Variants in NRP1 observed in about 807,000 individuals in gnomAD.
NRP1 encodes neuropilin 1, also known as neuropilin-1.
In NRP1, 35 loss-of-function variants were observed where a neutral mutation model predicts 106.7. The observed-to-expected ratio is 0.33, with a 90% confidence interval of 0.25 to 0.43. NRP1 has a LOEUF of 0.43. Ranked by LOEUF, NRP1 falls within the 20% of genes least tolerant of loss-of-function variation. The pLI, the probability that NRP1 is intolerant of heterozygous loss-of-function variation, is 1.00. For missense variants in NRP1, 1,024 were observed against 1,170.4 expected, an observed-to-expected ratio of 0.87 and a Z score of 1.83; for synonymous variants, 437 against 417.9, an observed-to-expected ratio of 1.05 and a Z score of -0.56.
intron 12 of NRP1, among the ~76,000 whole-genome samples, chr10:33,193,852 T>C (rs1446518403): frequency 6.6e-6 from 1 of 152,224 alleles, no homozygotes; most frequent in Non-Finnish European, 1.5e-5. Context: ...CTAGAGCTAA[T>C]GTCAAATTTT....
chr10:33,239,896 T>C (rs34223079), intron 6 of NRP1, among the ~76,000 whole-genome samples: 578 of 152,352 alleles, frequency 3.8e-3, no homozygotes, highest in Non-Finnish European at 6.8e-3. Context: ...ACTTCTCCCA[T>C]ACCCTTCCTG....
At chr10:33,193,168 T>TC (rs1836534230) in intron 12 of NRP1, among the ~76,000 whole-genome samples, 1 of 152,106 alleles carries the variant, frequency 6.6e-6, no homozygotes, top group Non-Finnish European at 1.5e-5. Flanking sequence ...AAGGCTTCCT[T>TC]AGGAATCTGA....
intron 5 of NRP1, among the ~76,000 whole-genome samples, chr10:33,255,377 C>A (rs905904651): frequency 1.3e-5 from 2 of 152,168 alleles, no homozygotes; most frequent in Admixed American, 6.5e-5. Context: ...TCTCCAAACA[C>A]CCCCTGTCCT....
intron 2 of NRP1, among the ~76,000 whole-genome samples, chr10:33,314,081 TCC>T (rs1564480873): frequency 1.8e-5 from 2 of 109,614 alleles, no homozygotes; most frequent in Admixed American, 1.1e-4. Context: ...CCTCCCTCCC[TCC>T]TCTCTCTCTC....
Position 33,334,336 on chromosome 10 carries a change from A to G in NRP1, c.47T>C (p.Leu16Pro). The part of the protein sequence containing the change: ...PLLCAVLALV[L>P]APAGAFRNDK... ...GTTGCGAAAAGCGCCGGCCGGGGCG[A>G]GGACGAGGGCGAGCACGGCGCAGAG... Residue 16 changes from leucine (L) to proline (P), a missense_variant, in exon 1 of 17, where the codon CTC (leucine) becomes CCC (proline). By Grantham distance (98) the Leu-to-Pro change is moderately conservative. Transcript: ENST00000374867. The G allele has an allele frequency of 6.5e-7, 1 of 1,545,384 alleles. No individual in the cohort carries two copies. Among genetic ancestry groups the G allele is most frequent in the East Asian group, 2.4e-5 (1 of 41,070 alleles).
chr10:33,320,312 T>TAAA (rs777487586), intron 2 of NRP1, among the ~76,000 whole-genome samples: 3 of 126,310 alleles, frequency 2.4e-5, no homozygotes, highest in African/African-American at 8.8e-5. Context: ...ACTCCGTCTT[T>TAAA]AAAAAAAAAA....
chr10:33,241,622 G>A (rs1012153957), intron 6 of NRP1, among the ~76,000 whole-genome samples: 1 of 151,934 alleles, frequency 6.6e-6, no homozygotes, highest in Non-Finnish European at 1.5e-5. Flanking sequence ...TTGGTGAACA[G>A]GACTGTGCTG....
intron 6 of NRP1, among the ~76,000 whole-genome samples, chr10:33,239,527 T>C (rs1054880569): frequency 4.6e-5 from 7 of 152,216 alleles, no homozygotes; most frequent in African/African-American, 1.7e-4. Flanking sequence ...ACTCTTATCT[T>C]AGCATTTCTA....
At chr10:33,206,698 G>T (rs1837813378) in intron 10 of NRP1, among the ~76,000 whole-genome samples, 1 of 152,186 alleles carries the variant, frequency 6.6e-6, no homozygotes, top group South Asian at 2.1e-4. Flanking sequence ...CTAGGCTGGA[G>T]CAAGACCTCT....
chr10:33,192,403 C>A lies in NRP1; in HGVS notation c.1940G>T (p.Gly647Val). Reference sequence around the variant, plus strand: ...GCCCCAGCCAAATTCACAGTTAAAACCATATGTTGGAAACTCTTCAGTGGG... The same window carrying A: ...GCCCCAGCCAAATTCACAGTTAAAAACATATGTTGGAAACTCTTCAGTGGG... ...STIQSEFPTY[G>V]FNCEFGWGSH... is the part of the protein sequence containing the mutation. Residue 647 changes from glycine (G) to valine (V), a missense_variant, in exon 13 of 17, where the codon GGT (glycine) becomes GTT (valine). Physicochemically the swap from Gly to Val is moderately radical, Grantham distance 109. Coordinates refer to ENST00000374867, the MANE Select transcript of NRP1 (RefSeq NM_003873.7). 6.2e-7 allele frequency: 1 copy of A among 1,613,778 alleles called. No individual in the cohort carries two copies. Among genetic ancestry groups the A allele is most frequent in the Non-Finnish European group, 8.5e-7 (1 of 1,179,912 alleles).
At position 33,309,523 on chromosome 10, in the gene NRP1, G is replaced by C. The variant is rs116035081; in HGVS notation, c.248+21185C>G. On this transcript the variant is annotated intron_variant, in intron 2 of 16. Coordinates refer to ENST00000374867, the MANE Select transcript of NRP1 (RefSeq NM_003873.7). ...GGCTGGGTGAAGCTGCTGCCTCAAG[G>C]GTCCTGGTGAGCCTAGTTACTGTAT... Among the ~76,000 whole-genome samples the C allele has an allele frequency of 2.8e-3, 424 of 152,272 alleles. 3 individuals carry two copies. The highest frequency in any genetic ancestry group is 1.0e-2 in the African/African-American group (414 of 41,540).
At chr10:33,315,154 C>T (rs1424130909) in intron 2 of NRP1, among the ~76,000 whole-genome samples, 2 of 152,132 alleles carry the variant, frequency 1.3e-5, no homozygotes, top group African/African-American at 4.8e-5. Context: ...ATTATGGAGA[C>T]GACTGTAAGA....
intron 6 of NRP1, among the ~76,000 whole-genome samples, chr10:33,241,011 C>T (rs1840970998): frequency 6.6e-6 from 1 of 152,142 alleles, no homozygotes; most frequent in Non-Finnish European, 1.5e-5. Context: ...TTGAAGCTCA[C>T]ATTAAGGGGA....
At chr10:33,281,899 C>T (rs17296450) in intron 2 of NRP1, among the ~76,000 whole-genome samples, 1,909 of 152,220 alleles carry the variant, frequency 0.013, 15 homozygotes, top group Non-Finnish European at 0.021. Context: ...TGGGTCAAAA[C>T]AGGCTATAGT....
intron 2 of NRP1, among the ~76,000 whole-genome samples, chr10:33,322,419 C>T (rs755499862): frequency 8.6e-5 from 13 of 151,948 alleles, no homozygotes; most frequent in Non-Finnish European, 1.5e-4. Context: ...GCTCTATTGC[C>T]GAAGCTGGAG....
At chr10:33,270,255 A>G (rs1403083988) in intron 3 of NRP1, among the ~76,000 whole-genome samples, 1 of 152,120 alleles carries the variant, frequency 6.6e-6, no homozygotes, top group Non-Finnish European at 1.5e-5. Flanking sequence ...TATATGTTTT[A>G]CAAAAGGATA....
At chr10:33,261,022 T>C (rs1024246930) in intron 4 of NRP1, among the ~76,000 whole-genome samples, 21 of 140,414 alleles carry the variant, frequency 1.5e-4, no homozygotes, top group Non-Finnish European at 2.9e-4. Flanking sequence ...TCCAGGAAGA[T>C]GCAGTTTTAT....
intron 6 of NRP1, among the ~76,000 whole-genome samples, chr10:33,230,173 C>T (rs189075345): frequency 6.6e-6 from 1 of 152,170 alleles, no homozygotes; most frequent in Non-Finnish European, 1.5e-5. Flanking sequence ...GAATTCTCAA[C>T]AAGGATCTGC....
At chr10:33,220,900 C>CAAAAAAAAAAAAAAAAA (rs35895871) in intron 8 of NRP1, among the ~76,000 whole-genome samples, 65 of 60,628 alleles carry the variant, frequency 1.1e-3, no homozygotes, top group Non-Finnish European at 1.4e-3. Flanking sequence ...GGCTCAGTCT[C>CAAAAAAAAAAAAAAAAA]AAAAAAAAAA....
Sources: allele counts gnomAD v4.1 joint callset (sites outside exome capture counted in the v4.1 genomes callset), GRCh38; gene constraint gnomAD v4.1.1; transcripts MANE v1.5; gene names NCBI Gene and HGNC (gene_info 2026-07-23, HGNC 2026-07-21).